GPD1L: variants seen among roughly 807,000 people sequenced by gnomAD.
GPD1L encodes the protein glycerol-3-phosphate dehydrogenase 1-like protein.
GPD1L carries 17 observed loss-of-function variants against 32.9 expected under a neutral mutation model. That is an observed-to-expected ratio of 0.52 (90% CI 0.35 to 0.78). The LOEUF (loss-of-function observed/expected upper bound fraction) is 0.78, where lower values mean the gene tolerates loss of function less well. GPD1L is among the 30% of genes least tolerant of loss of function. GPD1L has a pLI of 0.01. For missense variants in GPD1L, 361 were observed against 447.8 expected (o/e 0.81, Z 1.75); for synonymous variants, 187 against 165.9 (o/e 1.13, Z -0.98).
In GPD1L at chr3:32,159,025, G is replaced by C. The variant is rs1390618453; in HGVS notation, c.768G>C (p.Glu256Asp). ...AAGTGTCTACAGCCACCTTCCTAGA[G>C]AGCTGCGGGGTGGCCGACCTGATCA... ...KGQVSTATFL[E>D]SCGVADLITT... is the part of the protein sequence containing the mutation. Residue 256 changes from glutamate to aspartate, a missense_variant, in exon 6 of 8, where the codon GAG (glutamate) becomes GAC (aspartate). By Grantham distance (45) the Glu-to-Asp change is conservative. Coordinates refer to ENST00000282541, the MANE Select transcript of GPD1L (RefSeq NM_015141.4). 6.2e-7 allele frequency: 1 copy of C among 1,614,054 alleles called. No homozygotes were observed. The highest frequency in any genetic ancestry group is 1.7e-5 in the Admixed American group (1 of 60,032).
At chr3:32,123,823 T>C (rs1478595997) in intron 1 of GPD1L, among the ~76,000 whole-genome samples, 1 of 147,138 alleles carries the variant, frequency 6.8e-6, no homozygotes, top group Non-Finnish European at 1.5e-5. Context: ...GATAGATAGA[T>C]AGATAGATAG....
chr3:32,152,361 G>T (rs965084792), intron 5 of GPD1L, among the ~76,000 whole-genome samples: 3 of 152,174 alleles, frequency 2.0e-5, no homozygotes, highest in African/African-American at 4.8e-5. Context: ...ATTTTGTGCT[G>T]CTATAACAGA....
intron 3 of GPD1L, among the ~76,000 whole-genome samples, chr3:32,139,613 T>A (rs151083141): frequency 6.6e-6 from 1 of 152,198 alleles, no homozygotes; most frequent in Non-Finnish European, 1.5e-5. Context: ...AGAGAGGCTG[T>A]GCCAGAGCAT....
At chr3:32,121,419 C>T (rs1700409460) in intron 1 of GPD1L, among the ~76,000 whole-genome samples, 1 of 149,628 alleles carries the variant, frequency 6.7e-6, no homozygotes, top group South Asian at 2.1e-4. Flanking sequence ...CCTCAGAGCT[C>T]CGCCCTGGCT....
At chr3:32,143,408 C>A (rs1700776288) in intron 4 of GPD1L, among the ~76,000 whole-genome samples, 1 of 152,018 alleles carries the variant, frequency 6.6e-6, no homozygotes, top group South Asian at 2.1e-4. Context: ...TGAATTTAAT[C>A]ATGAGAAAAT....
chr3:32,140,108 A>C, intron 3 of GPD1L, 120 bp from the exon 4 acceptor site: 1 of 953,182 alleles, frequency 1.0e-6, no homozygotes, highest in South Asian at 1.3e-5. Context: ...GGCAGTATAG[A>C]TGCTTTTACT....
Position 32,106,779 on chromosome 3 carries a change from G to A in GPD1L, c.47+21G>A. On this transcript the variant is annotated intron_variant, in intron 1 of 7. Coordinates refer to ENST00000282541, the MANE Select transcript of GPD1L (RefSeq NM_015141.4). The surrounding 1 kb of genome is among the most constrained non-coding windows in gnomAD (Gnocchi z 4.0). Reference sequence around the variant, plus strand: ...AACTGGTGAGCGGCGGCGGGCTGGAGGCCGGGGCTCCGCTTCCAGGAAGCG... The same window carrying A: ...AACTGGTGAGCGGCGGCGGGCTGGAAGCCGGGGCTCCGCTTCCAGGAAGCG... The A allele has an allele frequency of 6.4e-7, 1 of 1,553,770 alleles. No individual in the cohort carries two copies. Among genetic ancestry groups the A allele is most frequent in the Non-Finnish European group, 8.7e-7 (1 of 1,150,578 alleles).
At chr3:32,156,114 AC>A (rs145373381) in intron 5 of GPD1L, among the ~76,000 whole-genome samples, 1 of 150,918 alleles carries the variant, frequency 6.6e-6, no homozygotes, top group Non-Finnish European at 1.5e-5. Context: ...ATCGCACCCG[AC>A]CCCCCAGCAT....
chr3:32,117,738 C>T (rs192225667), intron 1 of GPD1L, among the ~76,000 whole-genome samples: 1 of 152,334 alleles, frequency 6.6e-6, no homozygotes, highest in East Asian at 1.9e-4. Flanking sequence ...GTTTGGTTCT[C>T]TGCCATCCTT....
intron 1 of GPD1L, among the ~76,000 whole-genome samples, chr3:32,108,845 GT>G (rs897545963): frequency 6.6e-6 from 1 of 151,544 alleles, no homozygotes; most frequent in Admixed American, 6.6e-5. Context: ...TTTGCCAGTT[GT>G]TTTTTTTTAT....
At chr3:32,137,506 A>G (rs1388882588) in intron 2 of GPD1L, among the ~76,000 whole-genome samples, 1 of 152,226 alleles carries the variant, frequency 6.6e-6, no homozygotes, top group Non-Finnish European at 1.5e-5. Flanking sequence ...AGTCACAGGC[A>G]GCACTTCCAT....
At chr3:32,139,892 GT>G (rs1282098665) in intron 3 of GPD1L, among the ~76,000 whole-genome samples, 1 of 152,148 alleles carries the variant, frequency 6.6e-6, no homozygotes, top group East Asian at 1.9e-4. Context: ...ACCATCCGAT[GT>G]GGTAAAATAG....
At chr3:32,134,942 G>A (rs1257546790) in intron 2 of GPD1L, among the ~76,000 whole-genome samples, 1 of 152,220 alleles carries the variant, frequency 6.6e-6, no homozygotes, top group Admixed American at 6.5e-5. Flanking sequence ...TAATTGGAAA[G>A]GGTTCTGTGA....
At chr3:32,151,370 C>G in intron 5 of GPD1L, 1 of 691,174 alleles carries the variant, frequency 1.4e-6, no homozygotes, top group Non-Finnish European at 2.6e-6. Context: ...GTAGACTCTT[C>G]CAGTTTAGCC....
chr3:32,127,997 C>A, intron 1 of GPD1L, 79 bp from the exon 2 acceptor site: 1 of 978,444 alleles, frequency 1.0e-6, no homozygotes, highest in Non-Finnish European at 1.6e-6. Context: ...AAACACAAGT[C>A]TTCTGAATTT....
intron 5 of GPD1L, among the ~76,000 whole-genome samples, chr3:32,150,496 A>C (rs1214579666): frequency 2.1e-5 from 3 of 143,278 alleles, no homozygotes; most frequent in Non-Finnish European, 4.5e-5. Flanking sequence ...TTTTCTTAAC[A>C]ACTTTTTTTT....
intron 1 of GPD1L, among the ~76,000 whole-genome samples, chr3:32,118,824 T>C (rs1700367888): frequency 1.3e-5 from 2 of 152,208 alleles, no homozygotes; most frequent in Admixed American, 1.3e-4. Flanking sequence ...TCTGTCTCTA[T>C]GAATTTGACT....
At chr3:32,108,365 GGT>G (rs1559566135) in intron 1 of GPD1L, among the ~76,000 whole-genome samples, 1 of 152,116 alleles carries the variant, frequency 6.6e-6, no homozygotes, top group Non-Finnish European at 1.5e-5. Flanking sequence ...AAATTAGCCA[GGT>G]GTGGTGGCAG....
chr3:32,121,761 A>G (rs113862159), intron 1 of GPD1L, among the ~76,000 whole-genome samples: 20,616 of 137,110 alleles, frequency 0.15, 1,919 homozygotes, highest in African/African-American at 0.27. Flanking sequence ...CTATATATAT[A>G]TATTTCTATA....
Sources: gnomAD v4.1 joint callset for allele counts (sites outside exome capture counted in the v4.1 genomes callset) on GRCh38, gnomAD v4.1.1 for gene constraint, Gnocchi (gnomAD v3.1) non-coding constraint, MANE v1.5 for transcripts, NCBI Gene and HGNC (gene_info 2026-07-23, HGNC 2026-07-21) for gene names.